ERC1: variants seen among roughly 807,000 people sequenced by gnomAD.
The protein encoded by ERC1 is RAB6 interacting protein 2.
Under a neutral mutation model 132.0 loss-of-function variants are expected in ERC1, and 56 were observed. The ratio of observed to expected loss-of-function variants is 0.42; its 90% CI spans 0.34 to 0.53. The LOEUF is 0.53. Among genes scored for constraint, ERC1 ranks in the 20% least tolerant of loss-of-function variants. ERC1 has a pLI of 0.03. For missense variants in ERC1, 1,202 were observed against 1,349.9 expected (o/e 0.89, Z 1.72); for synonymous variants, 478 against 476.1 (o/e 1.00, Z -0.05).
intron 1 of ERC1, among the ~76,000 whole-genome samples, chr12:1,007,148 C>T (rs765835711): frequency 2.0e-5 from 3 of 152,010 alleles, no homozygotes; most frequent in Non-Finnish European, 4.4e-5. Flanking sequence ...GTTATTGATA[C>T]GTGCAAGAAC....
intron 2 of ERC1, among the ~76,000 whole-genome samples, chr12:1,072,107 A>G (rs1198142619): frequency 6.6e-6 from 1 of 152,048 alleles, no homozygotes; most frequent in Non-Finnish European, 1.5e-5. Flanking sequence ...TCTCAAAAAA[A>G]AAAACAAAAA....
intron 2 of ERC1, among the ~76,000 whole-genome samples, chr12:1,055,895 A>C (rs1313312564): frequency 1.3e-5 from 2 of 152,204 alleles, no homozygotes; most frequent in African/African-American, 4.8e-5. Flanking sequence ...CTGTAATCCC[A>C]GCACTTTGGG....
chr12:1,484,353 T>G (rs916874011), intron 18 of ERC1, among the ~76,000 whole-genome samples: 8 of 152,116 alleles, frequency 5.3e-5, no homozygotes, highest in Non-Finnish European at 1.5e-5. Flanking sequence ...GTAAACATAC[T>G]TGTACATACG....
intron 16 of ERC1, among the ~76,000 whole-genome samples, chr12:1,374,616 A>G (rs538692371): frequency 1.3e-5 from 2 of 152,228 alleles, no homozygotes; most frequent in African/African-American, 4.8e-5. Flanking sequence ...GTAAACTCCG[A>G]TAGAACCCTG....
At chr12:1,174,663 G>A (rs1358668189) in intron 8 of ERC1, among the ~76,000 whole-genome samples, 2 of 152,226 alleles carry the variant, frequency 1.3e-5, no homozygotes, top group South Asian at 2.1e-4. Context: ...TATTATGCAT[G>A]TAAGGGGTGT....
chr12:1,137,370 T>A (rs1949362526), intron 7 of ERC1, among the ~76,000 whole-genome samples: 1 of 151,788 alleles, frequency 6.6e-6, no homozygotes, highest in Admixed American at 6.6e-5. Context: ...GTGCTGGGAT[T>A]ACAGGTGTGA....
intron 2 of ERC1, among the ~76,000 whole-genome samples, chr12:1,060,283 G>A (rs995590948): frequency 6.6e-6 from 1 of 151,016 alleles, no homozygotes; most frequent in Non-Finnish European, 1.5e-5. Flanking sequence ...CCATTAACTC[G>A]TCATTTAGCA....
rs544744095 is a variant in ERC1 at position 1,485,342 on chromosome 12, T to A, written c.3214-4751T>A. Among the ~76,000 whole-genome samples the A allele has an allele frequency of 3.7e-4, 56 of 150,886 alleles. 1 individual carries two copies. Among genetic ancestry groups the A allele is most frequent in the African/African-American group, 1.3e-3 (55 of 40,868 alleles). On this transcript the variant is annotated intron_variant, in intron 18 of 18. Coordinates refer to ENST00000360905, the MANE Select transcript of ERC1 (RefSeq NM_178040.4). The stretch of plus-strand genomic sequence containing the variant: ...GCCTCAGCCACCCAAGTAGCTGGGA[T>A]TATAGGCGCCCGCCACCACGCCTGG...
At chr12:1,270,963 A>C (rs1482269531) in intron 14 of ERC1, among the ~76,000 whole-genome samples, 3 of 152,198 alleles carry the variant, frequency 2.0e-5, no homozygotes, top group Admixed American at 6.5e-5. Flanking sequence ...GATGATGGAT[A>C]TCAAGTATGG....
chr12:1,306,805 GTTAA>G (rs2080917834), intron 15 of ERC1, among the ~76,000 whole-genome samples: 1 of 152,002 alleles, frequency 6.6e-6, no homozygotes, highest in Admixed American at 6.6e-5. Flanking sequence ...GTTTCAGTGA[GTTAA>G]TTACTCATTT....
chr12:996,035 G>T (rs1565738062), intron 1 of ERC1, among the ~76,000 whole-genome samples: 1 of 151,952 alleles, frequency 6.6e-6, no homozygotes, highest in Non-Finnish European at 1.5e-5. Flanking sequence ...ATAAGTTTTA[G>T]TGTGAGATAG....
chr12:1,332,590 C>A (rs527953946), intron 15 of ERC1, among the ~76,000 whole-genome samples: 1 of 152,296 alleles, frequency 6.6e-6, no homozygotes, highest in South Asian at 2.1e-4. Flanking sequence ...CTTTGTATAA[C>A]CGGCAGAACC....
chr12:1,132,785 G>C (rs1948887943), intron 7 of ERC1, among the ~76,000 whole-genome samples: 1 of 152,034 alleles, frequency 6.6e-6, no homozygotes, highest in Non-Finnish European at 1.5e-5. Context: ...CTTCAGGTTT[G>C]AATGCCTAAG....
chr12:1,079,306 G>T (rs61918747), intron 2 of ERC1, among the ~76,000 whole-genome samples: 30,718 of 144,094 alleles, frequency 0.21, 3,893 homozygotes, highest in Non-Finnish European at 0.25. Context: ...CAGAGATACA[G>T]ATAGAAATGA....
chr12:1,261,462 A>C (rs1008242777), intron 13 of ERC1, among the ~76,000 whole-genome samples: 7 of 152,200 alleles, frequency 4.6e-5, no homozygotes, highest in Non-Finnish European at 7.3e-5. Context: ...AGACTGAACT[A>C]ATCATTGCAT....
At chr12:1,143,577 T>C (rs568291188) in intron 8 of ERC1, among the ~76,000 whole-genome samples, 137 of 149,498 alleles carry the variant, frequency 9.2e-4, no homozygotes, top group African/African-American at 3.4e-3. Flanking sequence ...TTTTCAGAAG[T>C]GCCCTAGCTT....
chr12:1,474,382 C>T lies in ERC1; in HGVS notation c.3214-15711C>T, dbSNP rs1255315676. 1.3e-5 allele frequency among the ~76,000 whole-genome samples: 2 copies of T among 152,334 alleles called. 1 individual carries two copies. The highest frequency in any genetic ancestry group is 6.8e-3 in the Middle Eastern group (2 of 294). On this transcript the variant is annotated intron_variant, in intron 18 of 18. Coordinates refer to ENST00000360905, the MANE Select transcript of ERC1 (RefSeq NM_178040.4). ...ATTCACTGACCCCTCTTGTAACCGT[C>T]CCTTCTTTATACCCATCAATACATC...
intron 17 of ERC1, among the ~76,000 whole-genome samples, chr12:1,436,218 C>G (rs1157963267): frequency 6.6e-6 from 1 of 152,086 alleles, no homozygotes; most frequent in Non-Finnish European, 1.5e-5. Flanking sequence ...CTTGAAATAG[C>G]TACCACTCAC....
intron 2 of ERC1, among the ~76,000 whole-genome samples, chr12:1,066,845 A>AAG (rs1939300291): frequency 6.6e-6 from 1 of 151,656 alleles, no homozygotes; most frequent in African/African-American, 2.4e-5. Flanking sequence ...TCAAAAAAAA[A>AAG]AAAAAAAAAT....
Sources: allele counts gnomAD v4.1 joint callset (sites outside exome capture counted in the v4.1 genomes callset), GRCh38; gene constraint gnomAD v4.1.1; transcripts MANE v1.5; gene names NCBI Gene and HGNC (gene_info 2026-07-23, HGNC 2026-07-21).